SENP3: variants seen among roughly 807,000 people sequenced by gnomAD.
SENP3 encodes the protein SUMO specific peptidase 3, also known as sentrin-specific protease 3.
A neutral mutation model predicts 66.2 loss-of-function variants in SENP3; 11 were observed. That is an observed-to-expected ratio of 0.17 (90% CI 0.10 to 0.28). SENP3 has a LOEUF of 0.28. Among genes scored for constraint, SENP3 ranks in the 10% least tolerant of loss-of-function variants. SENP3 has a pLI of 1.00. For synonymous variants in SENP3, 292 were observed against 277.6 expected (o/e 1.05, Z -0.52); for missense variants, 548 against 743.7 (o/e 0.74, Z 3.06).
At chr17:7,567,195 T>C (rs2071275490) in intron 7 of SENP3, among the ~76,000 whole-genome samples, 191 bp downstream of exon 7, 1 of 152,162 alleles carries the variant, frequency 6.6e-6, no homozygotes, top group Non-Finnish European at 1.5e-5. Context: ...TTGCAGCTAG[T>C]GATAAGTGCT....
chr17:7,566,697 G>A (rs1280829477), intron 6 of SENP3, among the ~76,000 whole-genome samples: 1 of 149,870 alleles, frequency 6.7e-6, no homozygotes, highest in Non-Finnish European at 1.5e-5. Context: ...CTGGTTTGTT[G>A]ACTCATACCT....
In SENP3 at chr17:7,568,708, T is replaced by C. The variant is rs543558750; in HGVS notation, c.1342-1648T>C. The stretch of plus-strand genomic sequence containing the variant: ...CCGGTACCTTTCCCTGTGCATCTTT[T>C]CATCTGTACTCTTTGTACTACCCTT... On this transcript the variant is annotated intron_variant, in intron 7 of 10. Coordinates refer to ENST00000321337, the MANE Select transcript of SENP3 (RefSeq NM_015670.6). Among the ~76,000 whole-genome samples, 39 of 152,348 alleles carry C rather than the reference T, an allele frequency of 2.6e-4. No individual in the cohort carries two copies. In the East Asian group the frequency reaches 7.3e-3, roughly 29 times the overall value.
At chr17:7,565,871 C>A in intron 6 of SENP3, 107 bp downstream of exon 6, 1 of 937,156 alleles carries the variant, frequency 1.1e-6, no homozygotes, top group Non-Finnish European at 1.7e-6. Flanking sequence ...GTCTCTGTTT[C>A]AGGGAGAGAG....
At position 7,563,795 on chromosome 17, in the gene SENP3, A is replaced by C; in HGVS notation, c.715+4A>C. 1 of 1,007,678 alleles carries C rather than the reference A, an allele frequency of 9.9e-7. No homozygotes were observed. The highest frequency in any genetic ancestry group is 1.5e-6 in the Non-Finnish European group (1 of 686,854). 62.4% of individuals were successfully genotyped at this position (1,007,678 alleles called of 1,614,324 possible). A position where few individuals can be genotyped will look rare whatever the true frequency, so the allele number is the denominator to read the frequency against. On this transcript the variant is annotated splice_donor_region_variant and intron_variant, in intron 2 of 10. Coordinates refer to ENST00000321337, the MANE Select transcript of SENP3 (RefSeq NM_015670.6). ...TCTCCTCTGGACCCTGACTCGGGTA[A>C]GGTGGGAAAGGGGTGTGGGGTTGCG...
chr17:7,570,343 A>C lies in SENP3; in HGVS notation c.1342-13A>C. 6.2e-7 allele frequency: 1 copy of C among 1,609,944 alleles called. No homozygotes were observed. The highest frequency in any genetic ancestry group is 8.5e-7 in the Non-Finnish European group (1 of 1,176,530). The stretch of plus-strand genomic sequence containing the variant: ...CTGTTTGTTGTACCTGACCTGTGGC[A>C]CTATCTCTTTAGGTGGACATCTTCA... On this transcript the variant is annotated splice_polypyrimidine_tract_variant and intron_variant, in intron 7 of 10. Coordinates refer to ENST00000321337, the MANE Select transcript of SENP3 (RefSeq NM_015670.6). This position sits in a 1 kb window ranked among gnomAD's most constrained non-coding sequence, Gnocchi z 5.4.
rs1216136426 is a variant in SENP3, at chr17:7,563,166, G to A, written c.90G>A (p.Glu30=). The change falls in exon 2 of 11, where the codon GAG becomes GAA. Residue 30 remains glutamate, a synonymous_variant. Coordinates refer to ENST00000321337, the MANE Select transcript of SENP3 (RefSeq NM_015670.6). Reference sequence around the variant, plus strand: ...CAGCTTACTCAAGTCCCAGGCGGGAGCGTCTTCGTTGGCCCCCACCTCCCA... The same window carrying A: ...CAGCTTACTCAAGTCCCAGGCGGGAACGTCTTCGTTGGCCCCCACCTCCCA... The part of the protein sequence containing the change: ...IPPAYSSPRR[E]RLRWPPPPKP... 5.8e-6 allele frequency: 9 copies of A among 1,558,608 alleles called. No individual in the cohort carries two copies. Among genetic ancestry groups the A allele is most frequent in the African/African-American group, 1.4e-5 (1 of 73,498 alleles).
Position 7,564,691 on chromosome 17 carries a change from T to G in SENP3, c.782T>G (p.Leu261Trp), listed in dbSNP as rs1252414609. 1 of 1,613,910 alleles carries G rather than the reference T, an allele frequency of 6.2e-7. No homozygotes were observed. Among genetic ancestry groups the G allele is most frequent in the African/African-American group, 1.3e-5 (1 of 74,934 alleles). ...TCTGGGCCAGAAGGGGAGCGCAGCT[T>G]GGCACCCCCTGATGCCAGCATCCTC... ...GQSGPEGERS[L>W]APPDASILIS... Residue 261 changes from leucine (L) to tryptophan (W), a missense_variant, in exon 3 of 11, where the codon TTG becomes TGG. Transcript: ENST00000321337.
In SENP3 at chr17:7,563,672, T is replaced by A; in HGVS notation, c.596T>A (p.Leu199Gln). 6.2e-7 allele frequency: 1 copy of A among 1,612,560 alleles called. No individual in the cohort carries two copies. The highest frequency in any genetic ancestry group is 8.5e-7 in the Non-Finnish European group (1 of 1,179,544). ...PRGPPPPRLG[L>Q]LGALMAEDGV... is the part of the protein sequence containing the mutation. Reference sequence around the variant, plus strand: ...GGGCCACCTCCACCCCGGCTGGGTCTGCTAGGTGCTCTCATGGCTGAGGAT... The same window carrying A: ...GGGCCACCTCCACCCCGGCTGGGTCAGCTAGGTGCTCTCATGGCTGAGGAT... Residue 199 changes from leucine to glutamine, a missense_variant, in exon 2 of 11, where the codon CTG becomes CAG. Physicochemically the swap from Leu to Gln is moderately radical, Grantham distance 113. Transcript: ENST00000321337.
intron 6 of SENP3, among the ~76,000 whole-genome samples, chr17:7,566,411 T>C (rs2071268908): frequency 6.6e-6 from 1 of 151,224 alleles, no homozygotes; most frequent in South Asian, 2.1e-4. Flanking sequence ...ATCCCAGCAC[T>C]TTGGGAGGCC....
chr17:7,565,206 G>T (rs1001855119), intron 4 of SENP3, 136 bp downstream of exon 4: 57 of 820,474 alleles, frequency 6.9e-5, no homozygotes, highest in Admixed American at 1.3e-4. Flanking sequence ...CTGCAGGCAG[G>T]TGCCAAATCC....
chr17:7,565,682 C>T (rs1400461232), intron 5 of SENP3, 35 bp from the exon 6 acceptor site: 17 of 1,613,410 alleles, frequency 1.1e-5, no homozygotes, highest in Non-Finnish European at 1.4e-5. Context: ...CATGCCGCAC[C>T]CTCCATGGCA....
chr17:7,565,860 G>T, intron 6 of SENP3, 96 bp downstream of exon 6: 1 of 1,073,878 alleles, frequency 9.3e-7, no homozygotes, highest in South Asian at 1.4e-5. Context: ...ACACAGAGAG[G>T]GTCTCTGTTT....
rs549755749 is a variant in SENP3, at chr17:7,562,456, G to A, written c.-12+193G>A. Among the ~76,000 whole-genome samples the A allele has an allele frequency of 1.2e-4, 18 of 152,376 alleles. No individual in the cohort carries two copies. The highest frequency in any genetic ancestry group is 3.6e-4 in the African/African-American group (15 of 41,592). On this transcript the variant is annotated intron_variant, in intron 1 of 10. Transcript: ENST00000321337. This position sits in a 1 kb window ranked among gnomAD's most constrained non-coding sequence, Gnocchi z 5.0. ...GTCCCCGAGGATGAAGTAGGAGGGG[G>A]CTGGGCCGGCCTGGCTTGTGCGCTC...
At position 7,563,062 on chromosome 17, in the gene SENP3, TC is replaced by T; in HGVS notation, c.-11-3del. The T allele has an allele frequency of 6.9e-7, 1 of 1,459,848 alleles. No individual in the cohort carries two copies. The highest frequency in any genetic ancestry group is 2.5e-5 in the East Asian group (1 of 39,720). The allele number at this position is 1,459,848 out of a possible 1,614,324, so 90.4% of individuals were successfully genotyped here. On this transcript the variant is annotated splice_region_variant and splice_polypyrimidine_tract_variant and intron_variant, in intron 1 of 10. Transcript: ENST00000321337. ...TTTTGATACCCTGATCTTTTGTTTT[TC>T]AGGGTACTGGAAGATGAAAGAGACT...
chr17:7,571,422 AC>A lies in SENP3; in HGVS notation c.1665del (p.Asp555GlufsTer129). 6.2e-7 allele frequency: 1 copy of A among 1,604,224 alleles called. No individual in the cohort carries two copies. Among genetic ancestry groups the A allele is most frequent in the Admixed American group, 1.7e-5 (1 of 58,704 alleles). On this transcript the variant is annotated frameshift_variant, in exon 11 of 11. Coordinates refer to ENST00000321337, the MANE Select transcript of SENP3 (RefSeq NM_015670.6). LOFTEE classifies it high-confidence loss of function. ...CAGCCATTCAGCTTCACCCAGCAGG[AC>A]ATGCCCAAACTTCGTCGGCAGATCT... ...LSQPFSFTQQ[D>X]MPKLRRQIYK...
At chr17:7,563,861 A>C in intron 2 of SENP3, 70 bp downstream of exon 2, 1 of 1,324,894 alleles carries the variant, frequency 7.5e-7, no homozygotes, top group South Asian at 1.5e-5. Flanking sequence ...GAGCACCAGG[A>C]GCCTGTTGCC....
In SENP3 at chr17:7,571,029, A is replaced by G. The variant is rs570811816; in HGVS notation, c.1614+96A>G. ...GCATCCCCTCATTTGGCTCATAGTC[A>G]GTTGTGGAGCAGGAAGTAATCTGTT... On this transcript the variant is annotated intron_variant, in intron 10 of 10. Coordinates refer to ENST00000321337, the MANE Select transcript of SENP3 (RefSeq NM_015670.6). The G allele has an allele frequency of 1.3e-4, 137 of 1,077,348 alleles. 1 individual carries two copies. The East Asian group carries it at 3.2e-3, about 25-fold the overall frequency. 66.7% of individuals were successfully genotyped at this position (1,077,348 alleles called of 1,614,324 possible).
At chr17:7,565,406 A>C (rs1345254444) in intron 4 of SENP3, 34 bp from the exon 5 acceptor site, 13 of 1,610,866 alleles carry the variant, frequency 8.1e-6, no homozygotes, top group Middle Eastern at 1.7e-4. Context: ...CAGCTGCATC[A>C]TCTTTTGTGT....
intron 10 of SENP3, 76 bp downstream of exon 10, chr17:7,571,009 C>G: frequency 7.7e-7 from 1 of 1,299,912 alleles, no homozygotes; most frequent in Admixed American, 2.1e-5. Flanking sequence ...GTTATGCATC[C>G]CCTCATTTGG....
Sources: allele counts gnomAD v4.1 joint callset (sites outside exome capture counted in the v4.1 genomes callset), GRCh38; gene constraint gnomAD v4.1.1; non-coding constraint Gnocchi (gnomAD v3.1); transcripts MANE v1.5; gene names NCBI Gene and HGNC (gene_info 2026-07-23, HGNC 2026-07-21).